Variants in RIMS2 observed in about 807,000 individuals in gnomAD.
The protein encoded by RIMS2 is regulating synaptic membrane exocytosis protein 2.
RIMS2 carries 59 observed loss-of-function variants against 174.4 expected under a neutral mutation model. The ratio of observed to expected loss-of-function variants is 0.34; its 90% confidence interval spans 0.27 to 0.42. The LOEUF (loss-of-function observed/expected upper bound fraction) is 0.42. RIMS2 is among the 10% of genes least tolerant of loss of function. The pLI is 1.00. For missense variants in RIMS2, 1,620 were observed against 1,666.3 expected (o/e 0.97, Z 0.48); for synonymous variants, 606 against 572.5 (o/e 1.06, Z -0.84).
intron 1 of RIMS2, among the ~76,000 whole-genome samples, chr8:103,649,469 G>A (rs2096408284): frequency 6.6e-6 from 1 of 151,974 alleles, no homozygotes. Context: ...TATATTTCCT[G>A]GATTTGAATG....
intron 4 of RIMS2, among the ~76,000 whole-genome samples, chr8:103,904,195 C>T (rs571257725): frequency 1.3e-5 from 2 of 152,188 alleles, no homozygotes; most frequent in African/African-American, 2.4e-5. Flanking sequence ...TGAAATCATA[C>T]AGTATGTGAC....
chr8:104,016,001 A>T (rs565328447), intron 19 of RIMS2, among the ~76,000 whole-genome samples: 1 of 152,214 alleles, frequency 6.6e-6, no homozygotes, highest in East Asian at 1.9e-4. Flanking sequence ...TAAATATGAT[A>T]TAGTTTTATT....
chr8:104,073,083 T>C (rs1262221159), intron 19 of RIMS2, among the ~76,000 whole-genome samples: 1 of 152,216 alleles, frequency 6.6e-6, no homozygotes, highest in East Asian at 1.9e-4. Flanking sequence ...TCAACTTTCT[T>C]TCCTCTTTAT....
At chr8:103,655,340 G>T (rs1272523987) in intron 1 of RIMS2, among the ~76,000 whole-genome samples, 1 of 152,078 alleles carries the variant, frequency 6.6e-6, no homozygotes, top group East Asian at 1.9e-4. Context: ...TAGGTTTTAT[G>T]TAAGGTATAA....
At chr8:103,985,367 G>A (rs2094269374) in intron 16 of RIMS2, among the ~76,000 whole-genome samples, 2 of 147,522 alleles carry the variant, frequency 1.4e-5, no homozygotes, top group Admixed American at 1.4e-4. Context: ...CCAGCTACTT[G>A]GAAGGCTGAG....
At chr8:104,223,592 G>A (rs1343972787) in intron 19 of RIMS2, 1 of 1,499,638 alleles carries the variant, frequency 6.7e-7, no homozygotes, top group Admixed American at 2.2e-5. Flanking sequence ...CGGACGCTGC[G>A]CCCCAGCCGC....
intron 19 of RIMS2, among the ~76,000 whole-genome samples, chr8:104,134,992 T>C (rs1356815712): frequency 6.7e-6 from 1 of 149,860 alleles, no homozygotes; most frequent in Non-Finnish European, 1.5e-5. Context: ...CAAGTTAGTA[T>C]GAGCTTATTT....
intron 19 of RIMS2, among the ~76,000 whole-genome samples, chr8:104,079,656 A>G (rs1417133338): frequency 7.5e-6 from 1 of 132,624 alleles, no homozygotes; most frequent in African/African-American, 2.9e-5. Context: ...GTAAAAGAAT[A>G]TGGAAAACAA....
intron 2 of RIMS2, among the ~76,000 whole-genome samples, chr8:103,762,853 G>T (rs2098126768): frequency 6.6e-6 from 1 of 152,094 alleles, no homozygotes; most frequent in Non-Finnish European, 1.5e-5. Context: ...TGTACAACAT[G>T]TTACTGTATT....
chr8:103,967,170 G>GTTTTTTTTTTTTTTTTTTTT lies in RIMS2; in HGVS notation c.2770+6048_2770+6067dup, dbSNP rs71575988. Among the ~76,000 whole-genome samples the GTTTTTTTTTTTTTTTTTTTT allele has an allele frequency of 4.0e-4, 10 of 24,962 alleles. 3 individuals are homozygous for GTTTTTTTTTTTTTTTTTTTT. The highest frequency in any genetic ancestry group is 1.5e-3 in the African/African-American group (7 of 4,738). The allele number at this position is 24,962 out of a possible 152,430, so 16.4% of individuals were successfully genotyped here. A position where few individuals can be genotyped will look rare whatever the true frequency, so the allele number is the denominator to read the frequency against. On this transcript the variant is annotated intron_variant, in intron 15 of 23. Transcript: ENST00000504942. ...TTTTCTGCCTGCTTGATCTGTTCTTGTTTTTTTTTTTTTTTTTTTTTTTTT... is the reference window on the plus strand; with the variant it reads ...TTTTCTGCCTGCTTGATCTGTTCTTGTTTTTTTTTTTTTTTTTTTTTTTTTTTTTTTTTTTTTTTTTTTTT...
chr8:104,201,137 C>T (rs763002091), intron 19 of RIMS2, among the ~76,000 whole-genome samples: 1 of 152,126 alleles, frequency 6.6e-6, no homozygotes, highest in African/African-American at 2.4e-5. Flanking sequence ...CTCCCACCCT[C>T]TCCCCTCAAG....
At chr8:104,062,981 G>C (rs574624295) in intron 19 of RIMS2, among the ~76,000 whole-genome samples, 57 of 151,892 alleles carry the variant, frequency 3.8e-4, no homozygotes, top group African/African-American at 1.3e-3. Flanking sequence ...TAGAAGAAAA[G>C]CCTCAGATAA....
intron 1 of RIMS2, among the ~76,000 whole-genome samples, chr8:103,522,448 T>C (rs1832182218): frequency 6.6e-6 from 1 of 152,140 alleles, no homozygotes; most frequent in African/African-American, 2.4e-5. Context: ...GTTCTGATTC[T>C]TGTGGCTCTA....
chr8:103,904,813 T>C (rs1182312980), intron 4 of RIMS2, among the ~76,000 whole-genome samples: 1 of 152,080 alleles, frequency 6.6e-6, no homozygotes, highest in African/African-American at 2.4e-5. Flanking sequence ...TTTGTTGTTT[T>C]CTTTTCCTTG....
exon 4 of RIMS2, chr8:103,885,356 A>G (rs1414303312): frequency 6.2e-7 from 1 of 1,611,754 alleles, no homozygotes; most frequent in Non-Finnish European, 8.5e-7. Context: ...AAGGGAAGAA[A>G]GAGAGGAATA....
intron 19 of RIMS2, among the ~76,000 whole-genome samples, chr8:104,129,539 G>A (rs990861777): frequency 6.6e-6 from 1 of 152,246 alleles, no homozygotes; most frequent in African/African-American, 2.4e-5. Flanking sequence ...GAAGGAGGAA[G>A]CTGTGCCAGA....
At chr8:103,530,427 T>G (rs1006671804) in intron 1 of RIMS2, among the ~76,000 whole-genome samples, 6 of 152,210 alleles carry the variant, frequency 3.9e-5, no homozygotes, top group Non-Finnish European at 7.4e-5. Context: ...ACATTGAATG[T>G]AAATGGACTG....
exon 1 of RIMS2, chr8:103,500,771 A>G: frequency 1.7e-6 from 1 of 586,042 alleles, no homozygotes; most frequent in Non-Finnish European, 3.0e-6. Flanking sequence ...ATTGAAGGCC[A>G]TTGATTTGTA....
At chr8:104,187,726 A>G (rs2511643) in intron 19 of RIMS2, among the ~76,000 whole-genome samples, 42,318 of 151,652 alleles carry the variant, frequency 0.28, 6,717 homozygotes, top group South Asian at 0.48. Flanking sequence ...AGAATAAAAT[A>G]TATTTTAGAT....
Sources: gnomAD v4.1 joint callset for allele counts (sites outside exome capture counted in the v4.1 genomes callset) on GRCh38, gnomAD v4.1.1 for gene constraint, MANE v1.5 for transcripts, NCBI Gene and HGNC (gene_info 2026-07-23, HGNC 2026-07-21) for gene names.